Variants in ARHGAP42 observed in about 807,000 individuals in gnomAD.
ARHGAP42 encodes Rho GTPase activating protein 42.
In ARHGAP42, 63 loss-of-function variants were observed where a neutral mutation model predicts 125.0. That is an observed-to-expected ratio of 0.50 (90% CI 0.41 to 0.62). The LOEUF (loss-of-function observed/expected upper bound fraction) is 0.62, where lower values mean the gene tolerates loss of function less well. ARHGAP42 is among the 20% of genes least tolerant of loss of function. The pLI, the probability that ARHGAP42 is intolerant of heterozygous loss-of-function variation, is 0.00. For missense variants in ARHGAP42, 766 were observed against 1,024.2 expected (o/e 0.75, Z 3.44); for synonymous variants, 339 against 351.0 (o/e 0.97, Z 0.38).
At chr11:100,702,336 C>G (rs1056699917) in intron 1 of ARHGAP42, among the ~76,000 whole-genome samples, 3 of 152,052 alleles carry the variant, frequency 2.0e-5, no homozygotes, top group Non-Finnish European at 2.9e-5. Flanking sequence ...CATTTATTGA[C>G]TAGGTTCACT....
At chr11:100,702,835 C>G (rs562492295) in intron 1 of ARHGAP42, among the ~76,000 whole-genome samples, 184 of 151,974 alleles carry the variant, frequency 1.2e-3, no homozygotes, top group Non-Finnish European at 1.1e-3. Context: ...CCATGCATGG[C>G]TAATTTTTAT....
rs187142400 is a variant in ARHGAP42 at position 100,778,170 on chromosome 11, C to G, written c.250+7732C>G. Among the ~76,000 whole-genome samples the G allele has an allele frequency of 2.6e-4, 40 of 151,090 alleles. 2 individuals are homozygous for G. The East Asian group carries it at 7.8e-3, about 29-fold the overall frequency. On this transcript the variant is annotated intron_variant, in intron 2 of 23. Coordinates refer to ENST00000298815, the MANE Select transcript of ARHGAP42 (RefSeq NM_152432.4). ...CCTGGGTAACATGTTGAGACCCTGT[C>G]TCTTAAGAAAAAAAAAAAAGAAACG...
chr11:100,912,399 T>TA (rs964063165), intron 4 of ARHGAP42, among the ~76,000 whole-genome samples: 28 of 152,018 alleles, frequency 1.8e-4, no homozygotes, highest in African/African-American at 6.0e-4. Context: ...ATGAACTTGT[T>TA]AAAAAAAATC....
chr11:100,950,908 G>A (rs937210514), intron 12 of ARHGAP42, among the ~76,000 whole-genome samples: 1 of 151,714 alleles, frequency 6.6e-6, no homozygotes, highest in African/African-American at 2.4e-5. Context: ...TAGAGATGAG[G>A]TCTCATTTTG....
At chr11:100,775,871 A>T (rs1426498430) in intron 2 of ARHGAP42, among the ~76,000 whole-genome samples, 1 of 152,190 alleles carries the variant, frequency 6.6e-6, no homozygotes. Flanking sequence ...AAAAATTTAG[A>T]TATTGTGGCC....
chr11:100,915,929 A>G (rs1437015466), intron 5 of ARHGAP42, among the ~76,000 whole-genome samples: 1 of 152,184 alleles, frequency 6.6e-6, no homozygotes, highest in African/African-American at 2.4e-5. Flanking sequence ...TAATTCTGTG[A>G]CATGGCATTA....
chr11:100,781,595 GT>G (rs1863312490), intron 2 of ARHGAP42, among the ~76,000 whole-genome samples: 3 of 152,076 alleles, frequency 2.0e-5, no homozygotes, highest in African/African-American at 4.8e-5. Context: ...ATACATCATT[GT>G]GCAAAACAGA....
intron 1 of ARHGAP42, among the ~76,000 whole-genome samples, chr11:100,704,964 GGTGAGCCTGA>G (rs143676766): frequency 0.35 from 49,559 of 141,296 alleles, 9,431 homozygotes; most frequent in African/African-American, 0.42. Context: ...GGTGAGCCTG[GGTGAGCCTGA>G]GTGAGCCTGG....
chr11:100,813,779 T>A (rs959246181), intron 3 of ARHGAP42, among the ~76,000 whole-genome samples: 1 of 152,198 alleles, frequency 6.6e-6, no homozygotes, highest in African/African-American at 2.4e-5. Context: ...AGGTATATAT[T>A]GCTATATTTT....
rs1454163291 is a variant in ARHGAP42 at position 100,990,572 on chromosome 11, T to C, written c.*1771T>C. On this transcript the variant is annotated 3_prime_UTR_variant, in exon 24 of 24. Coordinates refer to ENST00000298815, the MANE Select transcript of ARHGAP42 (RefSeq NM_152432.4). ...GTAATGTAAACGTTTGATAAAAGAG[T>C]ATCTTTTTCTTTTATCTCTTACTGT... 3.3e-5 allele frequency: 5 copies of C among 152,080 alleles called. No individual in the cohort carries two copies. Among genetic ancestry groups the C allele is most frequent in the African/African-American group, 1.2e-4 (5 of 41,468 alleles). 9.4% of individuals were successfully genotyped at this position (152,080 alleles called of 1,614,324 possible).
chr11:100,749,917 A>G (rs1322372820), intron 1 of ARHGAP42, among the ~76,000 whole-genome samples: 1 of 152,158 alleles, frequency 6.6e-6, no homozygotes, highest in East Asian at 1.9e-4. Context: ...TTGTCGCCAT[A>G]GTATGTGAGG....
At position 100,935,677 on chromosome 11, in the gene ARHGAP42, C is replaced by CACACACACAGAG. The variant is rs143859109; in HGVS notation, c.703-525_703-524insCACACACAGAGA. On this transcript the variant is annotated intron_variant, in intron 7 of 23. Coordinates refer to ENST00000298815, the MANE Select transcript of ARHGAP42 (RefSeq NM_152432.4). Reference sequence around the variant, plus strand: ...AAGGTCACACACACACACACACACACAGAGAGAGAGAGAGAGAGATTCAAA... The same window carrying CACACACACAGAG: ...AAGGTCACACACACACACACACACACACACACACAGAGAGAGAGAGAGAGAGAGAGATTCAAA... Among the ~76,000 whole-genome samples, 81 of 146,712 alleles carry CACACACACAGAG rather than the reference C, an allele frequency of 5.5e-4. No individual in the cohort carries two copies. In the South Asian group the frequency reaches 8.3e-3, roughly 15 times the overall value.
chr11:100,799,346 T>C (rs1863797297), intron 3 of ARHGAP42, among the ~76,000 whole-genome samples: 1 of 152,176 alleles, frequency 6.6e-6, no homozygotes, highest in Non-Finnish European at 1.5e-5. Flanking sequence ...GAAATGTGTA[T>C]ACTTTTATGG....
At chr11:100,826,496 T>C (rs1201638778) in intron 3 of ARHGAP42, among the ~76,000 whole-genome samples, 2 of 152,214 alleles carry the variant, frequency 1.3e-5, no homozygotes, top group Non-Finnish European at 2.9e-5. Flanking sequence ...AGATGTAACT[T>C]TGGGTAATTT....
chr11:100,837,681 T>A (rs1565235540), intron 3 of ARHGAP42, among the ~76,000 whole-genome samples: 5 of 140,498 alleles, frequency 3.6e-5, no homozygotes, highest in African/African-American at 7.9e-5. Flanking sequence ...TTTTTTTTTT[T>A]TTTTTTTTTT....
At chr11:100,699,828 C>T (rs1317396866) in intron 1 of ARHGAP42, among the ~76,000 whole-genome samples, 1 of 151,978 alleles carries the variant, frequency 6.6e-6, no homozygotes, top group African/African-American at 2.4e-5. Context: ...TGGTGATTCT[C>T]TTATAATTCT....
chr11:100,770,333 T>G lies in ARHGAP42; in HGVS notation c.155-10T>G, dbSNP rs1862942961. ...ACCTTATGGATTTTTTGCTTAACTT[T>G]TACTTGCAGATCTGTCTATGGCAGT... is the stretch of plus-strand genomic sequence containing the variant. On this transcript the variant is annotated splice_polypyrimidine_tract_variant and intron_variant, in intron 1 of 23. Coordinates refer to ENST00000298815, the MANE Select transcript of ARHGAP42 (RefSeq NM_152432.4). The G allele has an allele frequency of 4.6e-6, 7 of 1,532,908 alleles. No homozygotes were observed. The highest frequency in any genetic ancestry group is 1.4e-5 in the African/African-American group (1 of 72,570). The allele number at this position is 1,532,908 out of a possible 1,614,324, so 95.0% of individuals were successfully genotyped here.
chr11:100,928,101 G>A (rs1378850084), intron 6 of ARHGAP42, among the ~76,000 whole-genome samples: 1 of 152,074 alleles, frequency 6.6e-6, no homozygotes, highest in African/African-American at 2.4e-5. Context: ...CTCCAGGCAG[G>A]GAATTGCAAA....
At chr11:100,886,829 C>T (rs932527118) in intron 4 of ARHGAP42, among the ~76,000 whole-genome samples, 2 of 152,156 alleles carry the variant, frequency 1.3e-5, no homozygotes, top group African/African-American at 4.8e-5. Context: ...GGGAAGAACA[C>T]TGAATTAGGT....
Sources: gnomAD v4.1 joint callset for allele counts (sites outside exome capture counted in the v4.1 genomes callset) on GRCh38, gnomAD v4.1.1 for gene constraint, MANE v1.5 for transcripts, NCBI Gene and HGNC (gene_info 2026-07-23, HGNC 2026-07-21) for gene names.